Variants in ATP8A2 observed in about 807,000 individuals in gnomAD.
ATP8A2 encodes phospholipid-transporting ATPase IB.
In ATP8A2, 100 loss-of-function variants were observed where a neutral mutation model predicts 165.6. The ratio of observed to expected loss-of-function variants is 0.60; its 90% CI spans 0.51 to 0.71. The LOEUF (loss-of-function observed/expected upper bound fraction) is 0.71. ATP8A2 is among the 30% of genes least tolerant of loss of function. The pLI is 0.00. For synonymous variants in ATP8A2, 543 were observed against 548.8 expected, an observed-to-expected ratio of 0.99 and a Z score of 0.15; for missense variants, 1,227 against 1,479.5, an observed-to-expected ratio of 0.83 and a Z score of 2.80.
chr13:25,960,861 C>T (rs895629201), intron 33 of ATP8A2, among the ~76,000 whole-genome samples: 2 of 152,162 alleles, frequency 1.3e-5, no homozygotes, highest in Non-Finnish European at 2.9e-5. Context: ...TTGGAAGCTG[C>T]ACTCCTTGCT....
At chr13:25,844,950 A>G (rs1170388365) in intron 30 of ATP8A2, among the ~76,000 whole-genome samples, 1 of 152,186 alleles carries the variant, frequency 6.6e-6, no homozygotes, top group Non-Finnish European at 1.5e-5. Flanking sequence ...TTGAGAAGGT[A>G]TATCGTTCAT....
At position 25,704,444 on chromosome 13, in the gene ATP8A2, A is replaced by G. The variant is rs568101133; in HGVS notation, c.2384+5099A>G. Among the ~76,000 whole-genome samples the G allele has an allele frequency of 5.3e-5, 8 of 151,710 alleles. No individual in the cohort carries two copies. The East Asian group carries it at 1.2e-3, about 22-fold the overall frequency. ...AGCCTTGACCTCCTGGGTTCAAGCGATCTTCCTGTTCAGTCTCCCAAATAG... is the reference window on the plus strand; with the variant it reads ...AGCCTTGACCTCCTGGGTTCAAGCGGTCTTCCTGTTCAGTCTCCCAAATAG... On this transcript the variant is annotated intron_variant, in intron 25 of 36. Coordinates refer to ENST00000381655, the MANE Select transcript of ATP8A2 (RefSeq NM_016529.6).
intron 24 of ATP8A2, among the ~76,000 whole-genome samples, chr13:25,607,846 G>T (rs1409346814): frequency 6.6e-6 from 1 of 152,042 alleles, no homozygotes; most frequent in African/African-American, 2.4e-5. Flanking sequence ...ATCATGCAGA[G>T]GTTTATTATA....
intron 1 of ATP8A2, among the ~76,000 whole-genome samples, chr13:25,430,340 CAGTGTG>C (rs2034573999): frequency 6.6e-6 from 1 of 152,146 alleles, no homozygotes; most frequent in African/African-American, 2.4e-5. Flanking sequence ...GAAACAACCA[CAGTGTG>C]AATTCCTAGA....
At chr13:25,895,114 T>G (rs1312793394) in intron 33 of ATP8A2, among the ~76,000 whole-genome samples, 3 of 152,206 alleles carry the variant, frequency 2.0e-5, no homozygotes, top group Non-Finnish European at 2.9e-5. Context: ...TCTTGTGCCA[T>G]TTTTCAAAAA....
At chr13:25,711,203 C>G (rs2043151594) in intron 25 of ATP8A2, among the ~76,000 whole-genome samples, 1 of 152,076 alleles carries the variant, frequency 6.6e-6, no homozygotes, top group South Asian at 2.1e-4. Flanking sequence ...CAGGGTTTCA[C>G]TATGTTGACG....
chr13:25,860,706 G>A, intron 31 of ATP8A2, 98 bp from the exon 32 acceptor site: 1 of 931,168 alleles, frequency 1.1e-6, no homozygotes. Flanking sequence ...GCTGCCTTGG[G>A]GAAGCTAGTT....
intron 30 of ATP8A2, among the ~76,000 whole-genome samples, chr13:25,846,750 T>C (rs1455770297): frequency 6.6e-6 from 1 of 152,186 alleles, no homozygotes; most frequent in East Asian, 1.9e-4. Flanking sequence ...TCCTGGGCTG[T>C]TGCTGATCTA....
At chr13:25,962,283 T>G (rs573769705) in intron 34 of ATP8A2, among the ~76,000 whole-genome samples, 8 of 152,298 alleles carry the variant, frequency 5.3e-5, no homozygotes, top group Non-Finnish European at 1.2e-4. Context: ...CATTTAAAAT[T>G]ACAAGAATGA....
At chr13:25,998,584 T>C (rs58110948) in intron 35 of ATP8A2, among the ~76,000 whole-genome samples, 37,111 of 152,128 alleles carry the variant, frequency 0.24, 4,827 homozygotes, top group Middle Eastern at 0.32. Context: ...CTGTGGACAT[T>C]CAGAATCGTC....
At chr13:25,568,004 A>C (rs1353780215) in intron 16 of ATP8A2, among the ~76,000 whole-genome samples, 1 of 152,242 alleles carries the variant, frequency 6.6e-6, no homozygotes, top group African/African-American at 2.4e-5. Context: ...TCTTGGGACT[A>C]TTGACTAAAA....
intron 1 of ATP8A2, among the ~76,000 whole-genome samples, chr13:25,459,409 C>T (rs771097209): frequency 3.9e-5 from 6 of 152,216 alleles, no homozygotes; most frequent in Admixed American, 2.0e-4. Context: ...TTGATTCACT[C>T]GTCAAACATG....
chr13:25,798,425 G>A (rs1270456919), intron 27 of ATP8A2, among the ~76,000 whole-genome samples: 1 of 152,100 alleles, frequency 6.6e-6, no homozygotes, highest in Non-Finnish European at 1.5e-5. Context: ...GTGATTTGGT[G>A]CACACAACTG....
chr13:25,404,512 A>C (rs1358271479), intron 1 of ATP8A2, among the ~76,000 whole-genome samples: 6 of 152,140 alleles, frequency 3.9e-5, no homozygotes, highest in African/African-American at 1.4e-4. Context: ...TGAGGAAAGC[A>C]TTCAAGGAGA....
intron 2 of ATP8A2, among the ~76,000 whole-genome samples, chr13:25,487,213 C>A (rs575013842): frequency 6.6e-6 from 1 of 152,120 alleles, no homozygotes; most frequent in South Asian, 2.1e-4. Flanking sequence ...AGTTCTCGTT[C>A]GTGGCATTTT....
At chr13:25,624,513 C>G (rs1193868528) in intron 24 of ATP8A2, among the ~76,000 whole-genome samples, 1 of 152,148 alleles carries the variant, frequency 6.6e-6, no homozygotes, top group Non-Finnish European at 1.5e-5. Context: ...TAACAAGATA[C>G]TTAATGTTAA....
At chr13:25,771,559 T>C (rs1566122242) in intron 26 of ATP8A2, among the ~76,000 whole-genome samples, 1 of 152,194 alleles carries the variant, frequency 6.6e-6, no homozygotes, top group Admixed American at 6.5e-5. Flanking sequence ...GGATGTGTTA[T>C]CCAGAGCAAT....
At chr13:25,568,303 A>T (rs2039373874) in intron 16 of ATP8A2, among the ~76,000 whole-genome samples, 1 of 152,222 alleles carries the variant, frequency 6.6e-6, no homozygotes, top group African/African-American at 2.4e-5. Context: ...TTTCTTTTGA[A>T]TCATTATGCC....
intron 36 of ATP8A2, among the ~76,000 whole-genome samples, chr13:26,016,483 C>A (rs1293156054): frequency 6.6e-6 from 1 of 152,164 alleles, no homozygotes; most frequent in Non-Finnish European, 1.5e-5. Context: ...GCTGAAGAAA[C>A]CCCCGGAGTT....
Sources: allele counts gnomAD v4.1 joint callset (sites outside exome capture counted in the v4.1 genomes callset), GRCh38; gene constraint gnomAD v4.1.1; transcripts MANE v1.5; gene names NCBI Gene and HGNC (gene_info 2026-07-23, HGNC 2026-07-21).